Variants in LETMD1 observed in about 807,000 individuals in gnomAD.
LETMD1 encodes the protein LETM1 domain-containing protein 1.
LETMD1 carries 30 observed loss-of-function variants against 43.9 expected under a neutral mutation model. That is an observed-to-expected ratio of 0.68 (90% CI 0.51 to 0.93). The LOEUF is 0.93. Among genes scored for constraint, LETMD1 ranks in the 40% least tolerant of loss-of-function variants. The pLI is 0.00. For synonymous variants in LETMD1, 176 were observed against 163.1 expected, an observed-to-expected ratio of 1.08 and a Z score of -0.60; for missense variants, 413 against 447.7, an observed-to-expected ratio of 0.92 and a Z score of 0.70.
At chr12:51,063,766 CT>C (rs1937807864), downstream of LETMD1, 1 of 1,571,674 alleles carries the variant, frequency 6.4e-7, no homozygotes, top group African/African-American at 1.4e-5. Context: ...AGAGGGAGTT[CT>C]AAGGAAGAAT....
chr12:51,061,433 A>G (rs937369935), downstream of LETMD1: 1 of 152,640 alleles, frequency 6.6e-6, no homozygotes, highest in African/African-American at 2.4e-5. Context: ...GACTGAAGCT[A>G]TCTGCTTCTA....
At chr12:51,048,269 AAGACGC>A, upstream of LETMD1, 1 of 1,573,272 alleles carries the variant, frequency 6.4e-7, no homozygotes, top group Admixed American at 1.7e-5. Flanking sequence ...GCGCTCAGAA[AAGACGC>A]ATGCGTCTTC....
intron 1 of LETMD1, 79 bp downstream of exon 1, chr12:51,048,557 T>C: frequency 1.3e-6 from 2 of 1,555,786 alleles, no homozygotes; most frequent in Non-Finnish European, 1.7e-6. Context: ...ATTCTGTCTC[T>C]TAATTCTCAG....
chr12:51,066,836 T>C, the LETMD1 span, among the ~76,000 whole-genome samples: 1 of 152,150 alleles, frequency 6.6e-6, no homozygotes, highest in Admixed American at 6.5e-5. Flanking sequence ...ATTCCTCTGC[T>C]AACTTTTTGA....
chr12:51,064,236 A>G, downstream of LETMD1: 1 of 1,613,578 alleles, frequency 6.2e-7, no homozygotes, highest in Non-Finnish European at 8.5e-7. Flanking sequence ...CTGAGCCTGG[A>G]TGAGAATGGG....
the LETMD1 span, among the ~76,000 whole-genome samples, chr12:51,068,676 T>A: frequency 2.0e-5 from 3 of 152,174 alleles, no homozygotes; most frequent in Non-Finnish European, 4.4e-5. Flanking sequence ...ACTTGCCTTC[T>A]AACACAGAGA....
the LETMD1 span, among the ~76,000 whole-genome samples, chr12:51,068,166 T>A: frequency 6.6e-6 from 1 of 152,216 alleles, no homozygotes; most frequent in Non-Finnish European, 1.5e-5. Context: ...TCATTTTATT[T>A]ATTTTTTTGA....
rs8490 is a variant in LETMD1 at position 51,060,122 on chromosome 12, A to G, written c.*691A>G. On this transcript the variant is annotated 3_prime_UTR_variant, in exon 9 of 9. Coordinates refer to ENST00000262055, the MANE Select transcript of LETMD1 (RefSeq NM_015416.5). ...TCAATGTTTCTAGCCTTCACTCTCCATTGTCTTTTCTGGGCTGTATTACAG... is the reference window on the plus strand; with the variant it reads ...TCAATGTTTCTAGCCTTCACTCTCCGTTGTCTTTTCTGGGCTGTATTACAG... 0.063 allele frequency: 9,684 copies of G among 152,710 alleles called. 568 individuals are homozygous for G. The highest frequency in any genetic ancestry group is 0.17 in the East Asian group (880 of 5,170). The allele number at this position is 152,710 out of a possible 1,614,324, so 9.5% of individuals were successfully genotyped here.
At chr12:51,056,085 T>C in intron 5 of LETMD1, 59 bp from the exon 6 acceptor site, 2 of 1,607,234 alleles carry the variant, frequency 1.2e-6, no homozygotes, top group East Asian at 4.5e-5. Flanking sequence ...TGCACTAAAC[T>C]AGGTAAGAGG....
chr12:51,048,319 A>G (rs1235415234), upstream of LETMD1: 2 of 1,613,758 alleles, frequency 1.2e-6, no homozygotes, highest in South Asian at 1.1e-5. Flanking sequence ...CTTTGACCCA[A>G]AGACAACCTC....
rs761592754 is a variant in LETMD1 at position 51,056,334 on chromosome 12, T to C, written c.763-16T>C. On this transcript the variant is annotated splice_polypyrimidine_tract_variant and intron_variant, in intron 6 of 8. Coordinates refer to ENST00000262055, the MANE Select transcript of LETMD1 (RefSeq NM_015416.5). ...CATACTATTTGCCTTTCCCCTCCTA[T>C]GTGGTTGTGTTACAGAAAGCCTTGA... 6.2e-7 allele frequency: 1 copy of C among 1,614,130 alleles called. No individual in the cohort carries two copies. Among genetic ancestry groups the C allele is most frequent in the East Asian group, 2.2e-5 (1 of 44,888 alleles).
downstream of LETMD1, chr12:51,063,598 C>G: frequency 1.6e-6 from 1 of 628,238 alleles, no homozygotes. Flanking sequence ...AAAAAATACT[C>G]AAACAATCCT....
downstream of LETMD1, chr12:51,064,072 T>C (rs1166407277): frequency 6.2e-7 from 1 of 1,614,070 alleles, no homozygotes; most frequent in Non-Finnish European, 8.5e-7. Flanking sequence ...CCTTCTTCCG[T>C]ACCAGGCTCT....
chr12:51,056,778 C>G (rs1229897287), intron 7 of LETMD1: 3 of 278,732 alleles, frequency 1.1e-5, no homozygotes, highest in Non-Finnish European at 2.0e-5. Context: ...CTCAGCCTCC[C>G]AAGTAGCTGG....
intron 4 of LETMD1, 167 bp from the exon 5 acceptor site, chr12:51,055,668 A>T: frequency 3.3e-6 from 1 of 302,534 alleles, no homozygotes; most frequent in East Asian, 8.1e-5. Context: ...TGTCTCTTAA[A>T]AAAAAAAAAA....
intron 1 of LETMD1, chr12:51,048,727 G>T: frequency 1.7e-6 from 1 of 604,992 alleles, no homozygotes; most frequent in Non-Finnish European, 2.9e-6. Context: ...CACTTTTTCG[G>T]CTCAGGTTTT....
At chr12:51,054,651 G>C (rs1947114419) in intron 4 of LETMD1, among the ~76,000 whole-genome samples, 1 of 152,142 alleles carries the variant, frequency 6.6e-6, no homozygotes, top group Non-Finnish European at 1.5e-5. Flanking sequence ...TTGTCTTGAA[G>C]GTCACATAGA....
chr12:51,064,510 G>C (rs537309458), downstream of LETMD1: 4 of 1,612,468 alleles, frequency 2.5e-6, no homozygotes, highest in African/African-American at 2.7e-5. Context: ...TCCTCATCTG[G>C]GGCTGCTGGG....
the LETMD1 span, among the ~76,000 whole-genome samples, chr12:51,067,507 G>A: frequency 6.6e-6 from 1 of 152,116 alleles, no homozygotes; most frequent in African/African-American, 2.4e-5. The surrounding 1 kb of genome is among the most constrained non-coding windows in gnomAD (Gnocchi z 4.1). Context: ...ATGCCTGGCC[G>A]TGTGCTGTTT....
Sources: gnomAD v4.1 joint callset for allele counts (sites outside exome capture counted in the v4.1 genomes callset) on GRCh38, gnomAD v4.1.1 for gene constraint, Gnocchi (gnomAD v3.1) non-coding constraint, MANE v1.5 for transcripts, NCBI Gene and HGNC (gene_info 2026-07-23, HGNC 2026-07-21) for gene names.